CSRNP3: variants seen among roughly 807,000 people sequenced by gnomAD.
CSRNP3 encodes cysteine/serine-rich nuclear protein 3.
In CSRNP3, 12 loss-of-function variants were observed where a neutral mutation model predicts 48.0. That is an observed-to-expected ratio of 0.25 (90% CI 0.16 to 0.41). CSRNP3 has a LOEUF of 0.41. CSRNP3 is among the 10% of genes least tolerant of loss of function. The pLI, the probability that CSRNP3 is intolerant of heterozygous loss-of-function variation, is 1.00. For missense variants in CSRNP3, 580 were observed against 724.4 expected, an observed-to-expected ratio of 0.80 and a Z score of 2.29; for synonymous variants, 263 against 269.7, an observed-to-expected ratio of 0.98 and a Z score of 0.24.
chr2:165,655,799 T>A (rs1488639883), intron 4 of CSRNP3, among the ~76,000 whole-genome samples: 2 of 152,310 alleles, frequency 1.3e-5, no homozygotes, highest in East Asian at 3.9e-4. Flanking sequence ...CACACGGTGT[T>A]CTTTCTGTGT....
chr2:165,662,318 A>G, intron 5 of CSRNP3, among the ~76,000 whole-genome samples: 1 of 152,146 alleles, frequency 6.6e-6, no homozygotes, highest in East Asian at 1.9e-4. Context: ...ATCCAATTCT[A>G]TTTGGGGGAG....
intron 2 of CSRNP3, among the ~76,000 whole-genome samples, chr2:165,497,995 AG>A (rs1265436648): frequency 6.6e-6 from 1 of 152,098 alleles, no homozygotes; most frequent in East Asian, 1.9e-4. Context: ...GGGCAGTGCT[AG>A]TGATGAGTTT....
chr2:165,609,365 A>G (rs1314683064), intron 4 of CSRNP3, among the ~76,000 whole-genome samples: 1 of 148,402 alleles, frequency 6.7e-6, no homozygotes, highest in East Asian at 2.1e-4. Context: ...AGGCTGAGGC[A>G]GGAGAATGGC....
In CSRNP3 at chr2:165,667,443, CT is replaced by C. The variant is rs901720212; in HGVS notation, c.409-8861del. ...CTAGAATATTGTTATTCAGAACTAG[CT>C]TTTTTTTAAAAAAAATTGTTCTCAC... On this transcript the variant is annotated intron_variant, in intron 5 of 6. Transcript: ENST00000651982. 5.4e-4 allele frequency among the ~76,000 whole-genome samples: 82 copies of C among 152,228 alleles called. 1 individual carries two copies. The highest frequency in any genetic ancestry group is 6.8e-3 in the Middle Eastern group (2 of 294).
chr2:165,509,393 T>C (rs1684469654), intron 2 of CSRNP3, among the ~76,000 whole-genome samples: 1 of 152,128 alleles, frequency 6.6e-6, no homozygotes, highest in Non-Finnish European at 1.5e-5. Context: ...AGCTTGACAC[T>C]TGTGTGAAGA....
intron 2 of CSRNP3, among the ~76,000 whole-genome samples, chr2:165,505,973 T>A (rs1254525246): frequency 6.6e-6 from 1 of 152,166 alleles, no homozygotes; most frequent in Non-Finnish European, 1.5e-5. Context: ...AACAGAGATA[T>A]CCTAGCTCAT....
At chr2:165,481,674 T>C (rs1684044729) in intron 1 of CSRNP3, among the ~76,000 whole-genome samples, 1 of 152,182 alleles carries the variant, frequency 6.6e-6, no homozygotes, top group Non-Finnish European at 1.5e-5. Context: ...TTTTAGAGTA[T>C]GATTTTTGTT....
chr2:165,558,915 C>T (rs1467658154), intron 3 of CSRNP3, among the ~76,000 whole-genome samples: 5 of 152,020 alleles, frequency 3.3e-5, no homozygotes, highest in African/African-American at 7.3e-5. Flanking sequence ...ATTAATCTTC[C>T]GATAGGCATA....
At chr2:165,579,475 A>T (rs1289584023) in intron 3 of CSRNP3, among the ~76,000 whole-genome samples, 1 of 152,034 alleles carries the variant, frequency 6.6e-6, no homozygotes, top group African/African-American at 2.4e-5. Flanking sequence ...CTATTTTTCC[A>T]TTCTGACTTT....
intron 3 of CSRNP3, among the ~76,000 whole-genome samples, chr2:165,578,568 A>G (rs1487723177): frequency 6.6e-6 from 1 of 152,108 alleles, no homozygotes; most frequent in Non-Finnish European, 1.5e-5. Flanking sequence ...CTAGTCCAAC[A>G]TATTTGGAGA....
chr2:165,591,827 TG>T (rs1685722334), intron 3 of CSRNP3, among the ~76,000 whole-genome samples: 1 of 152,174 alleles, frequency 6.6e-6, no homozygotes, highest in African/African-American at 2.4e-5. Context: ...AGTCTGTTGC[TG>T]GGGCAAAGCT....
chr2:165,644,320 G>A (rs910686863), intron 4 of CSRNP3, among the ~76,000 whole-genome samples: 1 of 152,124 alleles, frequency 6.6e-6, no homozygotes, highest in Non-Finnish European at 1.5e-5. Context: ...CAGGAAAACA[G>A]GTAAAGTGAC....
At chr2:165,527,921 A>G (rs1684759390) in intron 3 of CSRNP3, among the ~76,000 whole-genome samples, 1 of 151,982 alleles carries the variant, frequency 6.6e-6, no homozygotes, top group Non-Finnish European at 1.5e-5. Flanking sequence ...AGACAGGGAG[A>G]CAGAGAGAGA....
In CSRNP3 at chr2:165,678,739, A is replaced by G. The variant is rs1415823058; in HGVS notation, c.744A>G (p.Glu248=). ...CTTTCCCATGCGGCTGCACTAAAGA[A>G]GGATGTAGTAACACAGCAGGTAGAA... ...RMSFPCGCTK[E]GCSNTAGRIE... The change falls in exon 7 of 7, where the codon GAA becomes GAG. Residue 248 remains glutamate, a synonymous_variant. Coordinates refer to ENST00000651982, the MANE Select transcript of CSRNP3 (RefSeq NM_001172173.2). 1 of 1,614,088 alleles carries G rather than the reference A, an allele frequency of 6.2e-7. No homozygotes were observed. The highest frequency in any genetic ancestry group is 1.7e-5 in the Admixed American group (1 of 60,024).
intron 4 of CSRNP3, among the ~76,000 whole-genome samples, chr2:165,612,464 C>G (rs1686154835): frequency 6.6e-6 from 1 of 151,948 alleles, no homozygotes; most frequent in South Asian, 2.1e-4. Flanking sequence ...AAAATATACA[C>G]TAAATTATTG....
At chr2:165,643,284 C>T (rs538897040) in intron 4 of CSRNP3, among the ~76,000 whole-genome samples, 1 of 152,334 alleles carries the variant, frequency 6.6e-6, no homozygotes, top group African/African-American at 2.4e-5. Flanking sequence ...CCTGTCCTTA[C>T]TTGGACCATT....
intron 3 of CSRNP3, among the ~76,000 whole-genome samples, chr2:165,521,084 A>G (rs962269641): frequency 2.0e-5 from 3 of 151,298 alleles, no homozygotes; most frequent in African/African-American, 7.3e-5. Context: ...GAGAGTGTTT[A>G]TTACATGCCG....
rs1172703088 is a variant in CSRNP3, at chr2:165,679,613, C to A, written c.1618C>A (p.Gln540Lys). ...EFHSYLKGPS[Q>K]EGFVSALNGD... Reference sequence around the variant, plus strand: ...TCACTCATACTTGAAAGGCCCCTCCCAAGAAGGGTTTGTCTCTGCATTGAA... The same window carrying A: ...TCACTCATACTTGAAAGGCCCCTCCAAAGAAGGGTTTGTCTCTGCATTGAA... The change falls in exon 7 of 7, where the codon CAA (glutamine) becomes AAA (lysine). Residue 540 changes from glutamine to lysine, a missense_variant. Transcript: ENST00000651982. The A allele has an allele frequency of 6.2e-7, 1 of 1,614,106 alleles. No individual in the cohort carries two copies. The highest frequency in any genetic ancestry group is 1.7e-5 in the Admixed American group (1 of 60,016).
At chr2:165,519,529 G>A (rs745718778) in intron 3 of CSRNP3, among the ~76,000 whole-genome samples, 2 of 152,154 alleles carry the variant, frequency 1.3e-5, no homozygotes, top group Non-Finnish European at 1.5e-5. Context: ...AGAAGTTAAT[G>A]CAAGTAAAGT....
Sources: gnomAD v4.1 joint callset for allele counts (sites outside exome capture counted in the v4.1 genomes callset) on GRCh38, gnomAD v4.1.1 for gene constraint, MANE v1.5 for transcripts, NCBI Gene and HGNC (gene_info 2026-07-23, HGNC 2026-07-21) for gene names.